PCDHGA5: variants seen among roughly 807,000 people sequenced by gnomAD.
PCDHGA5 encodes protocadherin gamma subfamily A, 5, also known as protocadherin gamma-A5.
In PCDHGA5, 36 loss-of-function variants were observed where a neutral mutation model predicts 56.7. That is an observed-to-expected ratio of 0.64 (90% CI 0.49 to 0.84). The LOEUF (loss-of-function observed/expected upper bound fraction) is 0.84, where lower values mean the gene tolerates loss of function less well. Ranked by LOEUF, PCDHGA5 falls within the 40% of genes least tolerant of loss-of-function variation. The pLI is 0.00. For missense variants in PCDHGA5, 1,305 were observed against 1,201.5 expected (o/e 1.09, Z -1.27); for synonymous variants, 563 against 520.2 (o/e 1.08, Z -1.12).
intron 1 of PCDHGA5, among the ~76,000 whole-genome samples, chr5:141,466,519 C>A (rs1406838553): frequency 6.6e-6 from 1 of 151,864 alleles, no homozygotes; most frequent in Non-Finnish European, 1.5e-5. Flanking sequence ...CATTTTTTTT[C>A]CTCCCAAATT....
intron 1 of PCDHGA5, chr5:141,421,165 T>C: frequency 7.7e-7 from 1 of 1,297,018 alleles, no homozygotes; most frequent in Non-Finnish European, 1.0e-6. Flanking sequence ...ACTTCATAGA[T>C]ACATAAGCCG....
In PCDHGA5 at chr5:141,366,379, C is replaced by A. The variant is rs866007408; in HGVS notation, c.2049C>A (p.Asp683Glu). ...ADLGSIKTPI[D>E]PEDLDLTLYL... The stretch of plus-strand genomic sequence containing the variant: ...TAGGCAGTATCAAGACCCCCATTGA[C>A]CCTGAGGATCTGGACCTCACACTCT... The change falls in exon 1 of 4, where the codon GAC becomes GAA. Residue 683 changes from aspartate (D) to glutamate (E), a missense_variant. Coordinates refer to ENST00000518069, the MANE Select transcript of PCDHGA5 (RefSeq NM_018918.3). 1.9e-6 allele frequency: 3 copies of A among 1,614,134 alleles called. No individual in the cohort carries two copies. Among genetic ancestry groups the A allele is most frequent in the African/African-American group, 2.7e-5 (2 of 75,070 alleles).
At chr5:141,501,287 T>C (rs1025193070) in intron 2 of PCDHGA5, among the ~76,000 whole-genome samples, 1 of 96,980 alleles carries the variant, frequency 1.0e-5, no homozygotes, top group African/African-American at 4.2e-5. Context: ...GGATATTCCC[T>C]TATACACACA....
intron 1 of PCDHGA5, among the ~76,000 whole-genome samples, chr5:141,450,816 T>C (rs960010807): frequency 7.9e-6 from 1 of 126,568 alleles, no homozygotes; most frequent in Non-Finnish European, 1.6e-5. Context: ...ATTTATTTAA[T>C]ATTATTATTA....
rs761173450 is a variant in PCDHGA5 at position 141,366,064 on chromosome 5, G to T, written c.1734G>T (p.Ala578=). ...PTDGSTGVEL[A]PRSAEPGYLV... ...ACGGTTCCACGGGCGTGGAGCTGGC[G>T]CCTCGCTCCGCAGAACCTGGCTACC... The change falls in exon 1 of 4, where the codon GCG becomes GCT. Residue 578 remains alanine, a synonymous_variant. Transcript: ENST00000518069. The T allele has an allele frequency of 5.5e-5, 88 of 1,614,106 alleles. No homozygotes were observed. The highest frequency in any genetic ancestry group is 1.6e-4 in the Middle Eastern group (1 of 6,084).
chr5:141,375,344 A>G lies in PCDHGA5; in HGVS notation c.2421+8593A>G, dbSNP rs777877762. 4 of 1,613,836 alleles carry G rather than the reference A, an allele frequency of 2.5e-6. No individual in the cohort carries two copies. The Admixed American group carries it at 6.7e-5, about 27-fold the overall frequency. Reference sequence around the variant, plus strand: ...GGAAGAGGTATTCTTGTACAACATCACTGTGACAGCCACGGACAAAGGAAC... The same window carrying G: ...GGAAGAGGTATTCTTGTACAACATCGCTGTGACAGCCACGGACAAAGGAAC... On this transcript the variant is annotated intron_variant, in intron 1 of 3. Coordinates refer to ENST00000518069, the MANE Select transcript of PCDHGA5 (RefSeq NM_018918.3).
At chr5:141,433,641 G>C (rs1177387884) in intron 1 of PCDHGA5, among the ~76,000 whole-genome samples, 1 of 152,104 alleles carries the variant, frequency 6.6e-6, no homozygotes, top group Admixed American at 6.5e-5. Flanking sequence ...TTTGAGACCA[G>C]CCTGACCAAC....
chr5:141,485,229 T>G lies in PCDHGA5; in HGVS notation c.2422-9578T>G, dbSNP rs2099609870. ...ATCTGGCGGTGGGCTACCCTTTTGT[T>G]CCTCTTTTACCACCTGGGTTACGTT... is the stretch of plus-strand genomic sequence containing the variant. On this transcript the variant is annotated intron_variant, in intron 1 of 3. Coordinates refer to ENST00000518069, the MANE Select transcript of PCDHGA5 (RefSeq NM_018918.3). The surrounding 1 kb of genome is among the most constrained non-coding windows in gnomAD (Gnocchi z 5.7). 6.2e-7 allele frequency: 1 copy of G among 1,614,042 alleles called. No individual in the cohort carries two copies. The highest frequency in any genetic ancestry group is 8.5e-7 in the Non-Finnish European group (1 of 1,180,030).
chr5:141,387,471 T>C (rs1321289050), intron 1 of PCDHGA5, among the ~76,000 whole-genome samples: 3 of 152,232 alleles, frequency 2.0e-5, no homozygotes, highest in East Asian at 1.9e-4. Flanking sequence ...ATCCTCAAAG[T>C]TGGGATGAAG....
chr5:141,366,172 A>C lies in PCDHGA5; in HGVS notation c.1842A>C (p.Pro614=), dbSNP rs559505576. Residue 614 remains proline, a synonymous_variant, in exon 1 of 4, where the codon CCA becomes CCC. Transcript: ENST00000518069. The part of the protein sequence containing the change: ...LSYRLLKASE[P]GLFAVGLHTG... The stretch of plus-strand genomic sequence containing the variant: ...ACCGCCTGCTTAAGGCCAGCGAGCC[A>C]GGACTCTTTGCGGTTGGGCTGCACA... The C allele has an allele frequency of 2.6e-5, 42 of 1,613,958 alleles. No homozygotes were observed. The Admixed American group carries it at 7.0e-4, about 27-fold the overall frequency.
intron 1 of PCDHGA5, among the ~76,000 whole-genome samples, chr5:141,402,517 G>A (rs2094277430): frequency 6.6e-6 from 1 of 152,024 alleles, no homozygotes; most frequent in African/African-American, 2.4e-5. Context: ...ATTAAGCAAT[G>A]GTTTGTGATT....
chr5:141,432,449 T>C lies in PCDHGA5; in HGVS notation c.2422-62358T>C. 5.6e-6 allele frequency: 9 copies of C among 1,614,220 alleles called. No individual in the cohort carries two copies. The highest frequency in any genetic ancestry group is 7.6e-6 in the Non-Finnish European group (9 of 1,180,038). On this transcript the variant is annotated intron_variant, in intron 1 of 3. Coordinates refer to ENST00000518069, the MANE Select transcript of PCDHGA5 (RefSeq NM_018918.3). The surrounding 1 kb of genome is among the most constrained non-coding windows in gnomAD (Gnocchi z 6.0). The stretch of plus-strand genomic sequence containing the variant: ...GAACGACAATGCGCCCGAGATCCTG[T>C]ACCCCGCCCTCCCCACGGACGGTTC...
intron 2 of PCDHGA5, among the ~76,000 whole-genome samples, chr5:141,497,540 C>CTT (rs754207034): frequency 2.8e-4 from 38 of 134,912 alleles, no homozygotes; most frequent in African/African-American, 8.9e-4. Context: ...TGCAACAAAC[C>CTT]TTTTTTTTTT....
At chr5:141,405,415 G>A in intron 1 of PCDHGA5, 4 of 1,559,568 alleles carry the variant, frequency 2.6e-6, no homozygotes, top group African/African-American at 1.4e-5. Flanking sequence ...TTCTTTTTTT[G>A]TTTTTTGTTT....
chr5:141,488,518 G>A lies in PCDHGA5; in HGVS notation c.2422-6289G>A, dbSNP rs2233597. On this transcript the variant is annotated intron_variant, in intron 1 of 3. Coordinates refer to ENST00000518069, the MANE Select transcript of PCDHGA5 (RefSeq NM_018918.3). Reference sequence around the variant, plus strand: ...CACTCATTCCACATTTGGGGTCTGGGGTGTCAGAAAAGCTAAGTCCCATGT... The same window carrying A: ...CACTCATTCCACATTTGGGGTCTGGAGTGTCAGAAAAGCTAAGTCCCATGT... Among the ~76,000 whole-genome samples the A allele has an allele frequency of 5.8e-3, 879 of 152,218 alleles. 4 individuals are homozygous for A. The highest frequency in any genetic ancestry group is 0.021 in the African/African-American group (853 of 41,520).
In PCDHGA5 at chr5:141,374,991, C is replaced by T. The variant is rs1470236717; in HGVS notation, c.2421+8240C>T. 4 of 1,614,036 alleles carry T rather than the reference C, an allele frequency of 2.5e-6. No individual in the cohort carries two copies. The Admixed American group carries it at 5.0e-5, about 20-fold the overall frequency. ...AATGTTTTGACTGGAGAAATTTCAACTTCTGCAAATCTAGACTATGAGGAC... is the reference window on the plus strand; with the variant it reads ...AATGTTTTGACTGGAGAAATTTCAATTTCTGCAAATCTAGACTATGAGGAC... On this transcript the variant is annotated intron_variant, in intron 1 of 3. Transcript: ENST00000518069.
chr5:141,509,303 G>A (rs911736752), intron 3 of PCDHGA5, among the ~76,000 whole-genome samples: 1 of 152,210 alleles, frequency 6.6e-6, no homozygotes, highest in Admixed American at 6.5e-5. Context: ...GGAGGCAGAG[G>A]GAGGCTGGGA....
intron 1 of PCDHGA5, among the ~76,000 whole-genome samples, chr5:141,369,996 C>T (rs1292122597): frequency 6.6e-6 from 1 of 152,078 alleles, no homozygotes; most frequent in Non-Finnish European, 1.5e-5. Flanking sequence ...GGATAAAGCT[C>T]AAATTAAAAG....
Position 141,365,169 on chromosome 5 carries a change from CT to C in PCDHGA5, c.843del (p.Arg282AlafsTer39). 6.2e-7 allele frequency: 1 copy of C among 1,613,926 alleles called. No homozygotes were observed. Among genetic ancestry groups the C allele is most frequent in the East Asian group, 2.2e-5 (1 of 44,882 alleles). ...DEGINGKLTY[S>X]FRNEEEKISE... ...GGAATAAACGGGAAATTGACCTACTCTTTTCGCAATGAAGAAGAAAAAATTT... is the reference window on the plus strand; with the variant it reads ...GGAATAAACGGGAAATTGACCTACTCTTTCGCAATGAAGAAGAAAAAATTT... On this transcript the variant is annotated frameshift_variant, in exon 1 of 4. Transcript: ENST00000518069. LOFTEE classifies it high-confidence loss of function.
Sources: allele counts gnomAD v4.1 joint callset (sites outside exome capture counted in the v4.1 genomes callset), GRCh38; gene constraint gnomAD v4.1.1; non-coding constraint Gnocchi (gnomAD v3.1); transcripts MANE v1.5; gene names NCBI Gene and HGNC (gene_info 2026-07-23, HGNC 2026-07-21).